The following COL14A1 variants were observed in gnomAD, a reference collection of about 807,000 sequenced individuals.
The protein encoded by COL14A1 is collagen alpha-1(XIV) chain.
COL14A1 carries 136 observed loss-of-function variants against 230.3 expected under a neutral mutation model. The ratio of observed to expected loss-of-function variants is 0.59; its 90% CI spans 0.51 to 0.68. The LOEUF (loss-of-function observed/expected upper bound fraction) is 0.68, where lower values mean the gene tolerates loss of function less well. Among genes scored for constraint, COL14A1 ranks in the 30% least tolerant of loss-of-function variants. The probability of loss-of-function intolerance (pLI) is 0.00; values close to 1 mark genes in which losing one functional copy is unlikely to be tolerated. For missense variants in COL14A1, 1,976 were observed against 2,215.8 expected, an observed-to-expected ratio of 0.89 and a Z score of 2.17; for synonymous variants, 792 against 784.1, an observed-to-expected ratio of 1.01 and a Z score of -0.17.
At chr8:120,331,213 C>T (rs554037481) in intron 40 of COL14A1, among the ~76,000 whole-genome samples, 3 of 151,512 alleles carry the variant, frequency 2.0e-5, no homozygotes, top group Non-Finnish European at 4.4e-5. Context: ...TTGGGAGAGT[C>T]TGCAAAGATG....
chr8:120,241,318 C>T (rs1818601056), intron 19 of COL14A1, among the ~76,000 whole-genome samples: 1 of 152,108 alleles, frequency 6.6e-6, no homozygotes, highest in Non-Finnish European at 1.5e-5. Context: ...AGTCCTTCAC[C>T]ACAAAGAGTT....
intron 5 of COL14A1, among the ~76,000 whole-genome samples, chr8:120,178,398 A>G (rs1406304550): frequency 6.6e-6 from 1 of 152,218 alleles, no homozygotes; most frequent in East Asian, 1.9e-4. Context: ...CCTGCAAAGG[A>G]CATGAACTCA....
chr8:120,166,907 T>TGTGTGTG (rs1815905710), intron 4 of COL14A1, among the ~76,000 whole-genome samples: 1 of 149,326 alleles, frequency 6.7e-6, no homozygotes, highest in African/African-American at 2.5e-5. Context: ...TGTGTGTGTG[T>TGTGTGTG]GTGTGTGTGT....
At chr8:120,139,504 T>G (rs774482477) in intron 1 of COL14A1, among the ~76,000 whole-genome samples, 36 of 152,330 alleles carry the variant, frequency 2.4e-4, no homozygotes, top group Non-Finnish European at 4.7e-4. Flanking sequence ...ATATTCAGTT[T>G]TTGCCTAAAC....
chr8:120,330,067 TA>T (rs1821813289), intron 40 of COL14A1, among the ~76,000 whole-genome samples: 1 of 152,200 alleles, frequency 6.6e-6, no homozygotes, highest in Non-Finnish European at 1.5e-5. Context: ...TTTTATGAGC[TA>T]AAAACTCATA....
At chr8:120,334,585 AACACACACAC>A (rs3054171) in intron 42 of COL14A1, among the ~76,000 whole-genome samples, 3,798 of 144,782 alleles carry the variant, frequency 0.026, 76 homozygotes, top group Non-Finnish European at 0.038. Context: ...CACACACAAA[AACACACACAC>A]ACACACACAC....
Position 120,289,628 on chromosome 8 carries a change from G to T in COL14A1, c.4098G>T (p.Glu1366Asp), listed in dbSNP as rs1159214809. Residue 1366 changes from glutamate to aspartate, a missense_variant, in exon 34 of 48, where the codon GAG becomes GAT. Physicochemically the swap from Glu to Asp is conservative, Grantham distance 45. This residue lies in a region of COL14A1 where 1,791 missense variants were observed against 2,019.5 expected (regional missense o/e 0.89). Coordinates refer to ENST00000297848, the MANE Select transcript of COL14A1 (RefSeq NM_021110.4). ...SFHKLHIVVSETLVKVVIDCK... is the reference protein window; with the variant it reads ...SFHKLHIVVSDTLVKVVIDCK... ...CCTAGCTACACATTGTTGTCAGTGA[G>T]ACTTTGGTCAAAGTGGTTATTGACT... 1 of 1,613,912 alleles carries T rather than the reference G, an allele frequency of 6.2e-7. No individual in the cohort carries two copies. The highest frequency in any genetic ancestry group is 1.1e-5 in the South Asian group (1 of 91,042).
At chr8:120,243,451 T>C (rs1818668691) in intron 19 of COL14A1, among the ~76,000 whole-genome samples, 2 of 152,184 alleles carry the variant, frequency 1.3e-5, no homozygotes, top group Non-Finnish European at 2.9e-5. Flanking sequence ...GGTCTGATTA[T>C]CTCTGAAGGA....
chr8:120,342,919 A>C (rs1257803803), intron 44 of COL14A1, among the ~76,000 whole-genome samples: 1 of 152,230 alleles, frequency 6.6e-6, no homozygotes, highest in Non-Finnish European at 1.5e-5. Context: ...TGGCTAGCCT[A>C]AGGTCTTCTC....
chr8:120,167,821 G>A (rs1195995309), intron 4 of COL14A1, among the ~76,000 whole-genome samples: 1 of 152,192 alleles, frequency 6.6e-6, no homozygotes, highest in Non-Finnish European at 1.5e-5. Flanking sequence ...CTGGTTTTAT[G>A]AGATAGGTGT....
At chr8:120,224,328 T>C (rs1818029606) in intron 14 of COL14A1, among the ~76,000 whole-genome samples, 1 of 152,024 alleles carries the variant, frequency 6.6e-6, no homozygotes, top group African/African-American at 2.4e-5. Context: ...TAGCACAATA[T>C]CTAATGAGGA....
intron 19 of COL14A1, among the ~76,000 whole-genome samples, chr8:120,236,818 G>GA (rs980941187): frequency 6.6e-6 from 1 of 152,092 alleles, no homozygotes; most frequent in African/African-American, 2.4e-5. Context: ...GCCTGGGGGT[G>GA]AAAAAATCCC....
chr8:120,331,761 A>T (rs997448453), intron 40 of COL14A1, among the ~76,000 whole-genome samples: 3 of 152,208 alleles, frequency 2.0e-5, no homozygotes, highest in African/African-American at 7.2e-5. Context: ...TCTGATAGAG[A>T]TTCCCTGCCC....
rs116648729 is a variant in COL14A1 at position 120,289,658 on chromosome 8, G to A, written c.4128G>A (p.Lys1376=). 1.4e-4 allele frequency: 226 copies of A among 1,614,076 alleles called. No individual in the cohort carries two copies. In the East Asian group the frequency reaches 4.9e-3, roughly 35 times the overall value. ...TGGTCAAAGTGGTTATTGACTGCAA[G>A]CAAGTGGGTGAGAAGGCAATGAACG... ...ETLVKVVIDC[K]QVGEKAMNAS... is the part of the protein sequence containing the mutation. The change falls in exon 34 of 48, where the codon AAG becomes AAA. Residue 1376 remains lysine, a synonymous_variant. Transcript: ENST00000297848.
At chr8:120,207,838 A>AC (rs1160055968) in intron 10 of COL14A1, among the ~76,000 whole-genome samples, 2 of 143,778 alleles carry the variant, frequency 1.4e-5, no homozygotes, top group African/African-American at 2.7e-5. Flanking sequence ...AATCATTTGG[A>AC]CCAAAAAAAA....
intron 19 of COL14A1, among the ~76,000 whole-genome samples, chr8:120,232,805 G>T (rs1184192465): frequency 6.6e-6 from 1 of 152,150 alleles, no homozygotes; most frequent in Non-Finnish European, 1.5e-5. Flanking sequence ...TGGGTCAAAT[G>T]GTATTTCTAG....
chr8:120,198,548 G>A (rs1251680357), intron 7 of COL14A1, among the ~76,000 whole-genome samples: 2 of 151,702 alleles, frequency 1.3e-5, no homozygotes, highest in Admixed American at 1.3e-4. Context: ...AATCCAAAAT[G>A]TTTGAGTGCC....
In COL14A1 at chr8:120,371,855, T is replaced by A. The variant is rs1340292469; in HGVS notation, c.*624T>A. 1 of 376,572 alleles carries A rather than the reference T, an allele frequency of 2.7e-6. No individual in the cohort carries two copies. Among genetic ancestry groups the A allele is most frequent in the Non-Finnish European group, 4.7e-6 (1 of 211,808 alleles). 23.3% of individuals were successfully genotyped at this position (376,572 alleles called of 1,614,324 possible). On this transcript the variant is annotated 3_prime_UTR_variant, in exon 48 of 48. Transcript: ENST00000297848. ...AGTTTTTCAGTGGTTTTAACTCATGTGAAATAATGATTTTCCACCAGCTCT... is the reference window on the plus strand; with the variant it reads ...AGTTTTTCAGTGGTTTTAACTCATGAGAAATAATGATTTTCCACCAGCTCT...
At chr8:120,193,847 C>G (rs1263267442) in intron 5 of COL14A1, among the ~76,000 whole-genome samples, 1 of 152,204 alleles carries the variant, frequency 6.6e-6, no homozygotes, top group African/African-American at 2.4e-5. Flanking sequence ...GTAGGACCCT[C>G]CGAGCCAGGT....
Sources: gnomAD v4.1 joint callset for allele counts (sites outside exome capture counted in the v4.1 genomes callset) on GRCh38, gnomAD v4.1.1 for gene constraint, gnomAD v4.1.1 regional missense constraint, MANE v1.5 for transcripts, NCBI Gene and HGNC (gene_info 2026-07-23, HGNC 2026-07-21) for gene names.